Variants in ANXA11 observed in about 807,000 individuals in gnomAD.
The protein encoded by ANXA11 is annexin A11.
A neutral mutation model predicts 64.7 loss-of-function variants in ANXA11; 57 were observed. The observed-to-expected ratio is 0.88, with a 90% CI of 0.71 to 1.10. ANXA11 has a LOEUF of 1.10. ANXA11 is among the 50% of genes least tolerant of loss of function. The probability of loss-of-function intolerance (pLI) is 0.00; values close to 1 mark genes in which losing one functional copy is unlikely to be tolerated. For synonymous variants in ANXA11, 260 were observed against 265.2 expected, an observed-to-expected ratio of 0.98 and a Z score of 0.19; for missense variants, 675 against 670.7, an observed-to-expected ratio of 1.01 and a Z score of -0.07.
chr10:80,166,404 T>C (rs1845742744), intron 7 of ANXA11: 1 of 545,072 alleles, frequency 1.8e-6, no homozygotes, highest in African/African-American at 1.9e-5. Flanking sequence ...GCCCAGGGGA[T>C]CGGTGACACA....
At chr10:80,190,621 G>A (rs1846732762) in intron 1 of ANXA11, among the ~76,000 whole-genome samples, 1 of 151,372 alleles carries the variant, frequency 6.6e-6, no homozygotes, top group African/African-American at 2.4e-5. Context: ...GAGTAGCTGG[G>A]ATCACAGGCG....
chr10:80,171,248 G>A (rs2132421689), intron 3 of ANXA11: 1 of 1,184,210 alleles, frequency 8.4e-7, no homozygotes, highest in South Asian at 2.0e-5. Flanking sequence ...GACAGACAAG[G>A]ACAGACTGTT....
chr10:80,161,979 A>C lies in ANXA11; in HGVS notation c.1136T>G (p.Phe379Cys). The C allele has an allele frequency of 6.2e-7, 1 of 1,612,792 alleles. No individual in the cohort carries two copies. The highest frequency in any genetic ancestry group is 8.5e-7 in the Non-Finnish European group (1 of 1,179,878). ...ENRLGTDESK[F>C]NAVLCSRSRA... is the part of the protein sequence containing the mutation. ...GCTCCGGGAGCACAGAACCGCATTGAACTTGGACTCGTCTGTTCCCAGGCG... is the reference window on the plus strand; with the variant it reads ...GCTCCGGGAGCACAGAACCGCATTGCACTTGGACTCGTCTGTTCCCAGGCG... Residue 379 changes from phenylalanine (F) to cysteine (C), a missense_variant, in exon 12 of 16, where the codon TTC (phenylalanine) becomes TGC (cysteine). Coordinates refer to ENST00000422982, the MANE Select transcript of ANXA11 (RefSeq NM_145868.2).
rs749966764 is a variant in ANXA11, at chr10:80,161,976, T to C, written c.1139A>G (p.Asn380Ser). 4.3e-6 allele frequency: 7 copies of C among 1,612,860 alleles called. No homozygotes were observed. Among genetic ancestry groups the C allele is most frequent in the Admixed American group, 3.3e-5 (2 of 60,024 alleles). The stretch of plus-strand genomic sequence containing the variant: ...CCGGCTCCGGGAGCACAGAACCGCA[T>C]TGAACTTGGACTCGTCTGTTCCCAG... ...NRLGTDESKFNAVLCSRSRAH... is the reference protein window; with the variant it reads ...NRLGTDESKFSAVLCSRSRAH... Residue 380 changes from asparagine to serine, a missense_variant, in exon 12 of 16, where the codon AAT (asparagine) becomes AGT (serine). Physicochemically the swap from Asn to Ser is conservative, Grantham distance 46. Transcript: ENST00000422982.
chr10:80,189,457 G>A (rs776435526), intron 1 of ANXA11, among the ~76,000 whole-genome samples: 1 of 152,206 alleles, frequency 6.6e-6, no homozygotes, highest in Non-Finnish European at 1.5e-5. Flanking sequence ...AGCCACTATG[G>A]AAAACAGTAT....
At chr10:80,186,846 C>T (rs936240715) in intron 1 of ANXA11, among the ~76,000 whole-genome samples, 2 of 152,246 alleles carry the variant, frequency 1.3e-5, no homozygotes, top group Non-Finnish European at 2.9e-5. Flanking sequence ...TGGCAGGCTT[C>T]CCTGGAAGCC....
chr10:80,199,095 C>CTT (rs71482767), intron 1 of ANXA11, among the ~76,000 whole-genome samples: 3,464 of 133,446 alleles, frequency 0.026, 187 homozygotes, highest in African/African-American at 0.093. Flanking sequence ...TCAAGATAAA[C>CTT]TTTTTTTTTT....
intron 1 of ANXA11, among the ~76,000 whole-genome samples, chr10:80,190,631 G>A (rs1380606656): frequency 6.0e-5 from 9 of 151,258 alleles, no homozygotes; most frequent in East Asian, 2.0e-4. Context: ...GATCACAGGC[G>A]CCCGCCACCG....
chr10:80,187,781 G>A lies in ANXA11; in HGVS notation c.-57-11626C>T, dbSNP rs372716715. Among the ~76,000 whole-genome samples, 11 of 152,262 alleles carry A rather than the reference G, an allele frequency of 7.2e-5. No individual in the cohort carries two copies. In the East Asian group the frequency reaches 7.7e-4, roughly 11 times the overall value. On this transcript the variant is annotated intron_variant, in intron 1 of 15. Coordinates refer to ENST00000422982, the MANE Select transcript of ANXA11 (RefSeq NM_145868.2). ...AGCAAAACAATGGTAGTGAGCTGAT[G>A]TCAATTGGGCACAAGTCCCAGGGTG...
intron 1 of ANXA11, among the ~76,000 whole-genome samples, chr10:80,180,561 C>T (rs2789693): frequency 0.1 from 15,885 of 152,092 alleles, 857 homozygotes; most frequent in Non-Finnish European, 0.13. Context: ...CCAAGCAGAC[C>T]GGGACTACAG....
At position 80,160,649 on chromosome 10, in the gene ANXA11, G is replaced by A. The variant is rs372741917; in HGVS notation, c.1180+1286C>T. Reference sequence around the variant, plus strand: ...GCTCCTTCTTAGTCTCCTCACACCGGTGGGCTCCCCACAGTCTCCCTCCTG... The same window carrying A: ...GCTCCTTCTTAGTCTCCTCACACCGATGGGCTCCCCACAGTCTCCCTCCTG... On this transcript the variant is annotated intron_variant, in intron 12 of 15. Coordinates refer to ENST00000422982, the MANE Select transcript of ANXA11 (RefSeq NM_145868.2). 1.1e-4 allele frequency among the ~76,000 whole-genome samples: 16 copies of A among 152,138 alleles called. No homozygotes were observed. The East Asian group carries it at 3.1e-3, about 29-fold the overall frequency.
intron 1 of ANXA11, among the ~76,000 whole-genome samples, chr10:80,186,162 T>C (rs551682376): frequency 2.0e-5 from 3 of 152,058 alleles, no homozygotes; most frequent in South Asian, 2.1e-4. Flanking sequence ...ATATTAACAG[T>C]TTAATACCAA....
rs1321437540 is a variant in ANXA11, at chr10:80,152,577, G to C, written c.*3276C>G. 1 of 152,418 alleles carries C rather than the reference G, an allele frequency of 6.6e-6. No homozygotes were observed. Among genetic ancestry groups the C allele is most frequent in the African/African-American group, 2.4e-5 (1 of 41,456 alleles). 9.4% of individuals were successfully genotyped at this position (152,418 alleles called of 1,614,324 possible). A position where few individuals can be genotyped will look rare whatever the true frequency, so the allele number is the denominator to read the frequency against. Reference sequence around the variant, plus strand: ...GAGGTTCGAGGGGACTGGGTGGATGGGCGATAGCTGAAAGAAAACCTGGCG... The same window carrying C: ...GAGGTTCGAGGGGACTGGGTGGATGCGCGATAGCTGAAAGAAAACCTGGCG... On this transcript the variant is annotated 3_prime_UTR_variant, in exon 16 of 16. Transcript: ENST00000422982.
intron 1 of ANXA11, among the ~76,000 whole-genome samples, chr10:80,203,250 C>T (rs1269317620): frequency 1.3e-5 from 2 of 152,136 alleles, no homozygotes; most frequent in African/African-American, 4.8e-5. Context: ...TCTGTCTCAA[C>T]TCCCACTCCT....
chr10:80,180,317 A>G (rs1286308674), intron 1 of ANXA11, among the ~76,000 whole-genome samples: 1 of 152,214 alleles, frequency 6.6e-6, no homozygotes, highest in Non-Finnish European at 1.5e-5. Context: ...TAGGCCATGC[A>G]CATTTGCTGG....
At chr10:80,183,955 T>C (rs1846445898) in intron 1 of ANXA11, among the ~76,000 whole-genome samples, 2 of 152,148 alleles carry the variant, frequency 1.3e-5, no homozygotes, top group African/African-American at 2.4e-5. Context: ...GCTGTGGAAT[T>C]CCATGGAGTG....
chr10:80,155,704 C>T lies in ANXA11; in HGVS notation c.*149G>A, dbSNP rs116355115. On this transcript the variant is annotated 3_prime_UTR_variant, in exon 16 of 16. Coordinates refer to ENST00000422982, the MANE Select transcript of ANXA11 (RefSeq NM_145868.2). ...GACCCAGGTCCTGTGGCACACTATA[C>T]GGGTCAGGAGGGGTGGAAGACAGGC... 115 of 793,514 alleles carry T rather than the reference C, an allele frequency of 1.4e-4. No homozygotes were observed. The highest frequency in any genetic ancestry group is 1.2e-3 in the African/African-American group (71 of 59,142). The allele number at this position is 793,514 out of a possible 1,614,324, so 49.2% of individuals were successfully genotyped here.
intron 1 of ANXA11, among the ~76,000 whole-genome samples, chr10:80,189,526 G>A (rs1276191103): frequency 2.0e-5 from 3 of 152,202 alleles, no homozygotes; most frequent in African/African-American, 7.2e-5. Context: ...TCTCACTCCT[G>A]GGCATACAGG....
intron 1 of ANXA11, among the ~76,000 whole-genome samples, chr10:80,182,473 A>G (rs1002147719): frequency 6.6e-6 from 1 of 152,176 alleles, no homozygotes; most frequent in African/African-American, 2.4e-5. Flanking sequence ...ATGTATATAT[A>G]TTTACATAAA....
Sources: allele counts gnomAD v4.1 joint callset (sites outside exome capture counted in the v4.1 genomes callset), GRCh38; gene constraint gnomAD v4.1.1; transcripts MANE v1.5; gene names NCBI Gene and HGNC (gene_info 2026-07-23, HGNC 2026-07-21).